Variants in CSGALNACT1 observed in about 807,000 individuals in gnomAD.
The protein encoded by CSGALNACT1 is chondroitin sulfate N-acetylgalactosaminyltransferase 1, also known as beta4GalNAcT-1.
Under a neutral mutation model 51.0 loss-of-function variants are expected in CSGALNACT1, and 52 were observed. The ratio of observed to expected loss-of-function variants is 1.02; its 90% CI spans 0.82 to 1.29. The LOEUF is 1.29. Ranked by LOEUF, CSGALNACT1 falls within the 50% of genes most tolerant of loss-of-function variation. The pLI is 0.00. For missense variants in CSGALNACT1, 935 were observed against 679.2 expected, an observed-to-expected ratio of 1.38 and a Z score of -4.19; for synonymous variants, 341 against 254.4, an observed-to-expected ratio of 1.34 and a Z score of -3.24.
intron 3 of CSGALNACT1, among the ~76,000 whole-genome samples, chr8:19,568,267 G>A (rs1273252885): frequency 6.6e-6 from 1 of 152,146 alleles, no homozygotes; most frequent in Non-Finnish European, 1.5e-5. Flanking sequence ...CTCCTAGGCT[G>A]TAAACCTGTA....
intron 4 of CSGALNACT1, among the ~76,000 whole-genome samples, chr8:19,489,300 A>C (rs1420349193): frequency 6.6e-6 from 1 of 152,216 alleles, no homozygotes; most frequent in Non-Finnish European, 1.5e-5. Flanking sequence ...GGAAATCATC[A>C]CTATCCAATG....
At chr8:19,536,341 A>G (rs959561123) in intron 3 of CSGALNACT1, among the ~76,000 whole-genome samples, 5 of 111,520 alleles carry the variant, frequency 4.5e-5, no homozygotes, top group African/African-American at 2.3e-4. Context: ...TTTGTAAAAA[A>G]TGTTAAAAAA....
intron 8 of CSGALNACT1, among the ~76,000 whole-genome samples, chr8:19,416,981 TA>T (rs1563290373): frequency 6.6e-6 from 1 of 152,070 alleles, no homozygotes. Context: ...TCAACCTGCC[TA>T]GTAGCTGGGA....
At chr8:19,635,931 T>C (rs906926601) in intron 1 of CSGALNACT1, among the ~76,000 whole-genome samples, 1 of 152,170 alleles carries the variant, frequency 6.6e-6, no homozygotes, top group East Asian at 1.9e-4. Context: ...GGTTTCACCA[T>C]GTTGGCCAGG....
At chr8:19,448,215 CCT>C (rs2062474211) in intron 5 of CSGALNACT1, among the ~76,000 whole-genome samples, 1 of 152,142 alleles carries the variant, frequency 6.6e-6, no homozygotes, top group Non-Finnish European at 1.5e-5. Context: ...GTTAAGGATA[CCT>C]CTCTTTATAA....
At chr8:19,578,654 C>T (rs1396572335) in intron 3 of CSGALNACT1, among the ~76,000 whole-genome samples, 2 of 151,940 alleles carry the variant, frequency 1.3e-5, no homozygotes, top group East Asian at 3.9e-4. Flanking sequence ...CTGCGCTACC[C>T]ACCTCCCTCT....
intron 3 of CSGALNACT1, among the ~76,000 whole-genome samples, chr8:19,537,036 A>G (rs1272890279): frequency 6.6e-6 from 1 of 152,212 alleles, no homozygotes; most frequent in Non-Finnish European, 1.5e-5. Flanking sequence ...ATGGGATCCC[A>G]GAGAAACCTT....
At chr8:19,420,115 T>C (rs1274220223) in intron 7 of CSGALNACT1, among the ~76,000 whole-genome samples, 1 of 152,234 alleles carries the variant, frequency 6.6e-6, no homozygotes, top group Non-Finnish European at 1.5e-5. Flanking sequence ...TGCAGAACTA[T>C]GAGTCCATTA....
At chr8:19,434,393 C>A (rs1370959387) in intron 6 of CSGALNACT1, among the ~76,000 whole-genome samples, 1 of 152,126 alleles carries the variant, frequency 6.6e-6, no homozygotes, top group East Asian at 1.9e-4. Context: ...TAAGTGTTAA[C>A]ATTTTACCAC....
At chr8:19,461,823 A>C (rs13268102) in intron 4 of CSGALNACT1, among the ~76,000 whole-genome samples, 1,447 of 35,376 alleles carry the variant, frequency 0.041, 499 homozygotes, top group East Asian at 0.35. Context: ...CAGCCACATT[A>C]GCCATGGAGG....
intron 4 of CSGALNACT1, among the ~76,000 whole-genome samples, chr8:19,469,582 G>A (rs1368311019): frequency 6.6e-6 from 1 of 152,146 alleles, no homozygotes; most frequent in Non-Finnish European, 1.5e-5. Flanking sequence ...AAAATGTCAA[G>A]TTTATTCCCA....
At chr8:19,678,590 T>C (rs999383526) in intron 1 of CSGALNACT1, 1 of 152,114 alleles carries the variant, frequency 6.6e-6, no homozygotes, top group Admixed American at 6.6e-5. Flanking sequence ...ACAAACAGTG[T>C]AAAGGAAAAT....
intron 4 of CSGALNACT1, chr8:19,495,116 G>A (rs2075219341): frequency 1.3e-5 from 2 of 152,148 alleles, no homozygotes; most frequent in Admixed American, 1.3e-4. Context: ...AGGTGGAGAG[G>A]GAGGAAGAAT....
At chr8:19,525,708 GC>G (rs1348630543) in intron 3 of CSGALNACT1, among the ~76,000 whole-genome samples, 1 of 143,140 alleles carries the variant, frequency 7.0e-6, no homozygotes, top group Admixed American at 7.3e-5. Context: ...GAGAAAAGTT[GC>G]CAAGTGACAA....
intron 2 of CSGALNACT1, among the ~76,000 whole-genome samples, chr8:19,591,761 A>C (rs1010540693): frequency 3.0e-4 from 46 of 152,000 alleles, no homozygotes; most frequent in African/African-American, 1.0e-3. Context: ...CCTCTCCACA[A>C]AAAAAAATGT....
chr8:19,754,163 G>C (rs7824222), intron 1 of CSGALNACT1, among the ~76,000 whole-genome samples: 15,272 of 152,188 alleles, frequency 0.1, 914 homozygotes, highest in South Asian at 0.21. Flanking sequence ...GGGTAGCTAG[G>C]ATTACAGGCA....
At chr8:19,713,167 C>A (rs1564460046) in intron 1 of CSGALNACT1, among the ~76,000 whole-genome samples, 1 of 152,096 alleles carries the variant, frequency 6.6e-6, no homozygotes, top group Non-Finnish European at 1.5e-5. Flanking sequence ...GCCTCTGGAC[C>A]CTGTGAAGGG....
intron 1 of CSGALNACT1, among the ~76,000 whole-genome samples, chr8:19,688,362 T>C (rs1261931966): frequency 1.3e-5 from 2 of 152,162 alleles, no homozygotes; most frequent in Non-Finnish European, 2.9e-5. Context: ...AAAAATCTCT[T>C]TGGTCTAATA....
intron 1 of CSGALNACT1, among the ~76,000 whole-genome samples, chr8:19,652,549 G>T (rs1268857295): frequency 1.3e-5 from 2 of 151,892 alleles, no homozygotes; most frequent in African/African-American, 4.8e-5. Context: ...CTCTGGTATT[G>T]TCAGCCTTCC....
Sources: allele counts gnomAD v4.1 joint callset (sites outside exome capture counted in the v4.1 genomes callset), GRCh38; gene constraint gnomAD v4.1.1; transcripts MANE v1.5; gene names NCBI Gene and HGNC (gene_info 2026-07-23, HGNC 2026-07-21).